PIP4P2: variants seen among roughly 807,000 people sequenced by gnomAD.
The protein encoded by PIP4P2 is phosphatidylinositol-4,5-bisphosphate 4-phosphatase 2.
Under a neutral mutation model 33.3 loss-of-function variants are expected in PIP4P2, and 19 were observed. That is an observed-to-expected ratio of 0.57 (90% CI 0.40 to 0.84). PIP4P2 has a LOEUF of 0.84. Among genes scored for constraint, PIP4P2 ranks in the 40% least tolerant of loss-of-function variants. PIP4P2 has a pLI of 0.00. For synonymous variants in PIP4P2, 110 were observed against 111.9 expected (o/e 0.98, Z 0.11); for missense variants, 270 against 324.7 (o/e 0.83, Z 1.29).
At chr8:91,027,042 G>A (rs1812091418) in intron 1 of PIP4P2, among the ~76,000 whole-genome samples, 1 of 152,180 alleles carries the variant, frequency 6.6e-6, no homozygotes, top group Admixed American at 6.5e-5. Context: ...GAGAACCAGG[G>A]AATGTCTATC....
chr8:91,018,554 T>C lies in PIP4P2; in HGVS notation c.363-41A>G, dbSNP rs567396529. 866 of 1,612,556 alleles carry C rather than the reference T, an allele frequency of 5.4e-4. 14 individuals are homozygous for C. The South Asian group carries it at 8.9e-3, about 17-fold the overall frequency. ...GGAAACAACTTCACTATCCCACAAA[T>C]GGACTGAGAGCAAAACCTGCAACAT... On this transcript the variant is annotated intron_variant, in intron 3 of 6. Coordinates refer to ENST00000285419, the MANE Select transcript of PIP4P2 (RefSeq NM_018710.3).
chr8:91,012,575 A>T (rs1264082926), intron 4 of PIP4P2, among the ~76,000 whole-genome samples: 1 of 152,142 alleles, frequency 6.6e-6, no homozygotes. Context: ...CCTAATCAAC[A>T]AAAACTTCCT....
At chr8:91,029,567 A>G (rs1448729285) in intron 1 of PIP4P2, among the ~76,000 whole-genome samples, 3 of 152,176 alleles carry the variant, frequency 2.0e-5, no homozygotes, top group Non-Finnish European at 2.9e-5. Flanking sequence ...GCTATCATTC[A>G]TTCATACAAT....
Position 91,009,180 on chromosome 8 carries a change from A to T in PIP4P2, c.487-385T>A, listed in dbSNP as rs143121446. The stretch of plus-strand genomic sequence containing the variant: ...GAGGGCTGGCCTTTTAAATACTTGA[A>T]TATTTAGATTCATTACTAAAATTAA... On this transcript the variant is annotated intron_variant, in intron 4 of 6. Transcript: ENST00000285419. Among the ~76,000 whole-genome samples, 285 of 152,216 alleles carry T rather than the reference A, an allele frequency of 1.9e-3. 1 individual carries two copies. Among genetic ancestry groups the T allele is most frequent in the Non-Finnish European group, 3.4e-3 (229 of 67,936 alleles).
intron 4 of PIP4P2, chr8:91,016,749 T>C (rs1811920722): frequency 6.6e-6 from 1 of 152,128 alleles, no homozygotes; most frequent in African/African-American, 2.4e-5. Flanking sequence ...GTAAAAGGAA[T>C]TTTCATGATG....
At chr8:91,032,251 G>A (rs1312243707) in intron 1 of PIP4P2, among the ~76,000 whole-genome samples, 1 of 152,120 alleles carries the variant, frequency 6.6e-6, no homozygotes, top group Non-Finnish European at 1.5e-5. Flanking sequence ...TTTGGTTGTT[G>A]TGGTTTTTAC....
chr8:91,013,809 C>T (rs1563564403), intron 4 of PIP4P2, among the ~76,000 whole-genome samples: 1 of 152,122 alleles, frequency 6.6e-6, no homozygotes, highest in Non-Finnish European at 1.5e-5. Flanking sequence ...ACTGGAATAT[C>T]AGGGCATGAG....
chr8:91,001,466 A>G (rs998010567), intron 5 of PIP4P2, among the ~76,000 whole-genome samples: 1 of 151,920 alleles, frequency 6.6e-6, no homozygotes, highest in African/African-American at 2.4e-5. Context: ...AAAATGTTAC[A>G]TAAATGAAAT....
chr8:91,021,412 G>C lies in PIP4P2; in HGVS notation c.107-8C>G. On this transcript the variant is annotated splice_region_variant and splice_polypyrimidine_tract_variant and intron_variant, in intron 1 of 6. Coordinates refer to ENST00000285419, the MANE Select transcript of PIP4P2 (RefSeq NM_018710.3). Reference sequence around the variant, plus strand: ...ATGGAGGTGGGAGCTCCGCTGAAAAGATATTAGTCACTGAATCAGAGTCTT... The same window carrying C: ...ATGGAGGTGGGAGCTCCGCTGAAAACATATTAGTCACTGAATCAGAGTCTT... 3 of 1,612,964 alleles carry C rather than the reference G, an allele frequency of 1.9e-6. No homozygotes were observed. The highest frequency in any genetic ancestry group is 2.2e-5 in the South Asian group (2 of 91,018).
chr8:91,028,505 C>T (rs1812114333), intron 1 of PIP4P2, among the ~76,000 whole-genome samples: 1 of 152,224 alleles, frequency 6.6e-6, no homozygotes. Flanking sequence ...TAGATGATGT[C>T]TTAGCCCAGA....
chr8:91,021,342 T>A lies in PIP4P2; in HGVS notation c.169A>T (p.Asn57Tyr). ...ATTAGTGATTGGCACACACGGCAGTTTATTACTGGAATACCACTGGCGTCT... is the reference window on the plus strand; with the variant it reads ...ATTAGTGATTGGCACACACGGCAGTATATTACTGGAATACCACTGGCGTCT... The part of the protein sequence containing the change: ...SPDASGIPVI[N>Y]CRVCQSLINL... Residue 57 changes from asparagine (N) to tyrosine (Y), a missense_variant, in exon 2 of 7, where the codon AAC becomes TAC. Asn to Tyr is a moderately radical substitution (Grantham distance 143). Coordinates refer to ENST00000285419, the MANE Select transcript of PIP4P2 (RefSeq NM_018710.3). 2.5e-6 allele frequency: 4 copies of A among 1,613,876 alleles called. No homozygotes were observed. Among genetic ancestry groups the A allele is most frequent in the Non-Finnish European group, 2.5e-6 (3 of 1,179,838 alleles).
chr8:91,008,003 G>C (rs1811785050), intron 5 of PIP4P2, among the ~76,000 whole-genome samples: 1 of 152,096 alleles, frequency 6.6e-6, no homozygotes, highest in African/African-American at 2.4e-5. Flanking sequence ...GGGGCCCCTT[G>C]GAATCTTGTC....
At chr8:91,038,494 T>C (rs899751235) in intron 1 of PIP4P2, among the ~76,000 whole-genome samples, 1 of 152,182 alleles carries the variant, frequency 6.6e-6, no homozygotes, top group Non-Finnish European at 1.5e-5. Flanking sequence ...TTTTACAATC[T>C]GAAATAATTC....
At chr8:91,000,035 G>T (rs574193351) in intron 5 of PIP4P2, among the ~76,000 whole-genome samples, 1 of 151,450 alleles carries the variant, frequency 6.6e-6, no homozygotes, top group South Asian at 2.1e-4. Context: ...TTATTATTCT[G>T]AAAGTTTTAC....
Position 91,040,841 on chromosome 8 carries a change from T to TGCCGCTGCA in PIP4P2, c.-101_-93dup, listed in dbSNP as rs1344130321. 9 of 1,040,908 alleles carry TGCCGCTGCA rather than the reference T, an allele frequency of 8.6e-6. No homozygotes were observed. The highest frequency in any genetic ancestry group is 1.3e-5 in the South Asian group (1 of 75,960). 64.5% of individuals were successfully genotyped at this position (1,040,908 alleles called of 1,614,324 possible). A position where few individuals can be genotyped will look rare whatever the true frequency, so the allele number is the denominator to read the frequency against. On this transcript the variant is annotated 5_prime_UTR_variant, in exon 1 of 7. Transcript: ENST00000285419. Reference sequence around the variant, plus strand: ...CTGCTGCTGCCTCTGCTGCCGCTGCTGCCGCTGCAGCTGCTGCTGCTGCCG... The same window carrying TGCCGCTGCA: ...CTGCTGCTGCCTCTGCTGCCGCTGCTGCCGCTGCAGCCGCTGCAGCTGCTGCTGCTGCCG...
intron 5 of PIP4P2, among the ~76,000 whole-genome samples, chr8:91,003,362 G>A (rs956617388): frequency 6.6e-6 from 1 of 152,100 alleles, no homozygotes; most frequent in African/African-American, 2.4e-5. Context: ...AGAATAAGAG[G>A]ACAGAATTAA....
At chr8:91,003,423 G>A (rs1294789720) in intron 5 of PIP4P2, among the ~76,000 whole-genome samples, 1 of 152,122 alleles carries the variant, frequency 6.6e-6, no homozygotes. Context: ...TATGGAGAAT[G>A]ATAAAAAATA....
At position 90,994,205 on chromosome 8, in the gene PIP4P2, C is replaced by G. The variant is rs796418782; in HGVS notation, c.*1472G>C. 2.0e-5 allele frequency: 3 copies of G among 152,024 alleles called. No individual in the cohort carries two copies. The highest frequency in any genetic ancestry group is 7.2e-5 in the African/African-American group (3 of 41,490). 9.4% of individuals were successfully genotyped at this position (152,024 alleles called of 1,614,324 possible). A position where few individuals can be genotyped will look rare whatever the true frequency, so the allele number is the denominator to read the frequency against. ...ACAGGTACATTCCTAAACATGAAAA[C>G]TTTACAGCAAGATTTCAAGGCAACT... On this transcript the variant is annotated 3_prime_UTR_variant, in exon 7 of 7. Transcript: ENST00000285419.
intron 5 of PIP4P2, 68 bp from the exon 6 acceptor site, chr8:90,996,812 G>A (rs1811634933): frequency 1.5e-6 from 2 of 1,291,606 alleles, no homozygotes; most frequent in Non-Finnish European, 2.2e-6. Flanking sequence ...TCATTTTTGT[G>A]AGTTCTTATC....
Sources: allele counts gnomAD v4.1 joint callset (sites outside exome capture counted in the v4.1 genomes callset), GRCh38; gene constraint gnomAD v4.1.1; transcripts MANE v1.5; gene names NCBI Gene and HGNC (gene_info 2026-07-23, HGNC 2026-07-21).